GLG1: variants seen among roughly 807,000 people sequenced by gnomAD.
GLG1 encodes the protein Golgi apparatus protein 1.
GLG1 carries 38 observed loss-of-function variants against 160.5 expected under a neutral mutation model. The observed-to-expected ratio is 0.24, with a 90% CI of 0.18 to 0.31. GLG1 has a LOEUF of 0.31. Among genes scored for constraint, GLG1 ranks in the 10% least tolerant of loss-of-function variants. GLG1 has a pLI of 1.00. For synonymous variants in GLG1, 644 were observed against 543.4 expected (o/e 1.19, Z -2.57); for missense variants, 1,373 against 1,505.2 (o/e 0.91, Z 1.45).
intron 1 of GLG1, among the ~76,000 whole-genome samples, chr16:74,546,349 G>A (rs2018045821): frequency 6.6e-6 from 1 of 152,114 alleles, no homozygotes; most frequent in Non-Finnish European, 1.5e-5. Context: ...GGGCGCTGAG[G>A]TGGAAGGATC....
chr16:74,561,467 C>A (rs1458624057), intron 1 of GLG1, among the ~76,000 whole-genome samples: 1 of 152,154 alleles, frequency 6.6e-6, no homozygotes, highest in East Asian at 1.9e-4. Context: ...TTTCTGATAA[C>A]TTTAGGCTCA....
At position 74,549,437 on chromosome 16, in the gene GLG1, C is replaced by T. The variant is rs548066517; in HGVS notation, c.439-17284G>A. 1.6e-3 allele frequency among the ~76,000 whole-genome samples: 248 copies of T among 152,278 alleles called. 1 individual carries two copies. Among genetic ancestry groups the T allele is most frequent in the Non-Finnish European group, 2.6e-3 (180 of 68,030 alleles). The stretch of plus-strand genomic sequence containing the variant: ...GCCTCCTGAGGACTACAGGCGCCCG[C>T]CACCACGCCCGGCTAACTTCTTGTA... On this transcript the variant is annotated intron_variant, in intron 1 of 25. Coordinates refer to ENST00000422840, the MANE Select transcript of GLG1 (RefSeq NM_001145667.2).
At chr16:74,459,572 G>T in intron 23 of GLG1, 110 bp downstream of exon 23, 1 of 669,530 alleles carries the variant, frequency 1.5e-6, no homozygotes, top group Non-Finnish European at 2.7e-6. Context: ...CTGGGCAGAA[G>T]GTTGAGATTT....
rs201742266 is a variant in GLG1, at chr16:74,546,077, T to C, written c.439-13924A>G. ...TATAATTCTTTCAAAGACGATCAGA[T>C]CTTACCATAGTATCTTTGAAATCTT... On this transcript the variant is annotated intron_variant, in intron 1 of 25. Coordinates refer to ENST00000422840, the MANE Select transcript of GLG1 (RefSeq NM_001145667.2). Among the ~76,000 whole-genome samples the C allele has an allele frequency of 9.9e-5, 15 of 152,280 alleles. 1 individual carries two copies. The East Asian group carries it at 2.9e-3, about 29-fold the overall frequency.
chr16:74,602,837 C>T (rs1263802371), intron 1 of GLG1, among the ~76,000 whole-genome samples: 1 of 151,226 alleles, frequency 6.6e-6, no homozygotes, highest in African/African-American at 2.4e-5. Flanking sequence ...TACCCAGGGA[C>T]TCATTACCCT....
At chr16:74,517,555 T>C (rs1294018364) in intron 2 of GLG1, among the ~76,000 whole-genome samples, 1 of 152,112 alleles carries the variant, frequency 6.6e-6, no homozygotes, top group African/African-American at 2.4e-5. Context: ...TATCGCAACA[T>C]ACTAAGAGCT....
chr16:74,573,550 C>T (rs1308102279), intron 1 of GLG1, among the ~76,000 whole-genome samples: 1 of 148,116 alleles, frequency 6.8e-6, no homozygotes, highest in African/African-American at 2.5e-5. Context: ...GGCATGAATC[C>T]TCATCTTCCT....
At chr16:74,506,153 T>G (rs1429767890) in intron 3 of GLG1, among the ~76,000 whole-genome samples, 1 of 149,966 alleles carries the variant, frequency 6.7e-6, no homozygotes, top group African/African-American at 2.5e-5. Context: ...AATAGATGCT[T>G]GAAAATCCCA....
chr16:74,506,925 T>C (rs2016633809), intron 3 of GLG1, among the ~76,000 whole-genome samples: 1 of 152,158 alleles, frequency 6.6e-6, no homozygotes, highest in Non-Finnish European at 1.5e-5. Flanking sequence ...AAAGGTACCA[T>C]GAGCAAAATG....
At position 74,452,369 on chromosome 16, in the gene GLG1, G is replaced by A. The variant is rs887299024; in HGVS notation, c.*798C>T. 3.7e-6 allele frequency: 5 copies of A among 1,344,308 alleles called. No homozygotes were observed. In the East Asian group the frequency reaches 1.2e-4, roughly 33 times the overall value. 83.3% of individuals were successfully genotyped at this position (1,344,308 alleles called of 1,614,324 possible). On this transcript the variant is annotated 3_prime_UTR_variant, in exon 26 of 26. Coordinates refer to ENST00000422840, the MANE Select transcript of GLG1 (RefSeq NM_001145667.2). Reference sequence around the variant, plus strand: ...CCGGGACTCAGGATCCAGCCTCTCAGTGCAGATGGATGGACTGTTCAACTT... The same window carrying A: ...CCGGGACTCAGGATCCAGCCTCTCAATGCAGATGGATGGACTGTTCAACTT...
chr16:74,463,468 C>T lies in GLG1; in HGVS notation c.2679G>A (p.Pro893=), dbSNP rs773543920. The T allele has an allele frequency of 2.9e-5, 47 of 1,613,736 alleles. No individual in the cohort carries two copies. The highest frequency in any genetic ancestry group is 4.5e-5 in the East Asian group (2 of 44,890). The part of the protein sequence containing the change: ...VCKQMIKRFC[P]EADSKTMLQC... Reference sequence around the variant, plus strand: ...GCAACATGGTTTTAGAATCTGCTTCCGGACAGAACCTCTGCAAAGAAACAG... The same window carrying T: ...GCAACATGGTTTTAGAATCTGCTTCTGGACAGAACCTCTGCAAAGAAACAG... The change falls in exon 20 of 26, where the codon CCG becomes CCA. Residue 893 remains proline (P), a synonymous_variant. Transcript: ENST00000422840.
At chr16:74,483,958 C>G (rs1221642955) in intron 9 of GLG1, among the ~76,000 whole-genome samples, 1 of 152,062 alleles carries the variant, frequency 6.6e-6, no homozygotes, top group East Asian at 1.9e-4. Flanking sequence ...CGTGCCCGGC[C>G]CAGATATTTT....
intron 1 of GLG1, among the ~76,000 whole-genome samples, chr16:74,600,619 C>G (rs1958419642): frequency 6.6e-6 from 1 of 151,206 alleles, no homozygotes; most frequent in East Asian, 1.9e-4. Context: ...GCAGTCCCAG[C>G]TACTCGGGAG....
chr16:74,509,044 T>A (rs970862470), intron 2 of GLG1, 119 bp from the exon 3 acceptor site: 2 of 494,194 alleles, frequency 4.0e-6, no homozygotes. Context: ...CATATTCACA[T>A]CAGATAACAA....
At chr16:74,499,663 C>T (rs547513161) in intron 4 of GLG1, among the ~76,000 whole-genome samples, 30 of 152,240 alleles carry the variant, frequency 2.0e-4, no homozygotes, top group South Asian at 6.2e-4. Context: ...GTATCCTCAT[C>T]GATAAGCAAC....
chr16:74,528,291 G>A (rs1343131222), intron 2 of GLG1, among the ~76,000 whole-genome samples: 2 of 151,978 alleles, frequency 1.3e-5, no homozygotes, highest in South Asian at 2.1e-4. Flanking sequence ...GTGAGCCACG[G>A]TGCCTGGCCT....
intron 1 of GLG1, among the ~76,000 whole-genome samples, chr16:74,558,594 T>G (rs1395442342): frequency 6.6e-6 from 1 of 152,258 alleles, no homozygotes; most frequent in African/African-American, 2.4e-5. Context: ...TTTGTAAATT[T>G]CAGGACTTGA....
Position 74,580,346 on chromosome 16 carries a change from CAAAA to C in GLG1, c.438+26307_438+26310del, listed in dbSNP as rs571328539. The stretch of plus-strand genomic sequence containing the variant: ...CAAAAAAAACTAAAAAAAAACCAAA[CAAAA>C]AAACCAAGCCTGGTAGCATCTGCCT... On this transcript the variant is annotated intron_variant, in intron 1 of 25. Coordinates refer to ENST00000422840, the MANE Select transcript of GLG1 (RefSeq NM_001145667.2). Among the ~76,000 whole-genome samples, 5 of 151,722 alleles carry C rather than the reference CAAAA, an allele frequency of 3.3e-5. No homozygotes were observed. The South Asian group carries it at 1.0e-3, about 32-fold the overall frequency.
At chr16:74,483,396 AAAG>A (rs1392406613) in intron 9 of GLG1, among the ~76,000 whole-genome samples, 1 of 152,162 alleles carries the variant, frequency 6.6e-6, no homozygotes, top group Non-Finnish European at 1.5e-5. Flanking sequence ...TCCAACACAC[AAAG>A]AAGTAGAGAA....
Sources: allele counts gnomAD v4.1 joint callset (sites outside exome capture counted in the v4.1 genomes callset), GRCh38; gene constraint gnomAD v4.1.1; transcripts MANE v1.5; gene names NCBI Gene and HGNC (gene_info 2026-07-23, HGNC 2026-07-21).